VASH2: variants seen among roughly 807,000 people sequenced by gnomAD.
VASH2 encodes vasohibin 2, also known as tubulinyl-Tyr carboxypeptidase 2.
In VASH2, 28 loss-of-function variants were observed where a neutral mutation model predicts 37.2. That is an observed-to-expected ratio of 0.75 (90% CI 0.56 to 1.03). The LOEUF is 1.03. VASH2 is among the 50% of genes least tolerant of loss of function. The pLI is 0.00. For synonymous variants in VASH2, 188 were observed against 174.7 expected, an observed-to-expected ratio of 1.08 and a Z score of -0.60; for missense variants, 419 against 459.1, an observed-to-expected ratio of 0.91 and a Z score of 0.80.
chr1:212,952,151 C>A (rs556231111), intron 2 of VASH2, among the ~76,000 whole-genome samples: 2 of 152,308 alleles, frequency 1.3e-5, no homozygotes, highest in East Asian at 3.9e-4. Context: ...CCACCAGGTA[C>A]CAGCGATGCC....
chr1:212,984,399 G>A (rs1399893000), intron 7 of VASH2, among the ~76,000 whole-genome samples: 2 of 152,200 alleles, frequency 1.3e-5, no homozygotes, highest in African/African-American at 2.4e-5. Context: ...GAGCCTCCAT[G>A]ACAGGGATGA....
intron 2 of VASH2, among the ~76,000 whole-genome samples, chr1:212,959,894 TCTC>T (rs1666619779): frequency 6.6e-6 from 1 of 152,108 alleles, no homozygotes; most frequent in Non-Finnish European, 1.5e-5. Context: ...CCTTTCTGCT[TCTC>T]CTTAAGTGGC....
intron 5 of VASH2, 111 bp from the exon 6 acceptor site, chr1:212,972,469 T>A (rs1416045812): frequency 7.3e-7 from 1 of 1,361,864 alleles, no homozygotes; most frequent in Non-Finnish European, 1.0e-6. Context: ...GTGGGCCTGC[T>A]CAGAGGCAGG....
At chr1:212,979,671 G>C (rs571295076) in intron 7 of VASH2, among the ~76,000 whole-genome samples, 1 of 152,276 alleles carries the variant, frequency 6.6e-6, no homozygotes, top group South Asian at 2.1e-4. Flanking sequence ...AATCAGCCGA[G>C]GGGGAGGGCA....
At chr1:212,964,136 A>T (rs1666763654) in intron 3 of VASH2, among the ~76,000 whole-genome samples, 1 of 152,172 alleles carries the variant, frequency 6.6e-6, no homozygotes, top group Admixed American at 6.5e-5. Flanking sequence ...ATCTAAGGTG[A>T]GGTGACTCTG....
At position 212,967,147 on chromosome 1, in the gene VASH2, C is replaced by T. The variant is rs938640147; in HGVS notation, c.497+802C>T. On this transcript the variant is annotated intron_variant, in intron 5 of 7. Transcript: ENST00000517399. The stretch of plus-strand genomic sequence containing the variant: ...GCTAAAACAAGGGTCTAGCTTCTCC[C>T]ACACTTTCTGTTCCATTTTTCACCA... 2.3e-6 allele frequency: 3 copies of T among 1,304,528 alleles called. No homozygotes were observed. The African/African-American group carries it at 4.5e-5, about 20-fold the overall frequency. The allele number at this position is 1,304,528 out of a possible 1,614,324, so 80.8% of individuals were successfully genotyped here. A position where few individuals can be genotyped will look rare whatever the true frequency, so the allele number is the denominator to read the frequency against.
At chr1:212,987,770 A>C (rs1482721539) in intron 7 of VASH2, among the ~76,000 whole-genome samples, 1 of 152,204 alleles carries the variant, frequency 6.6e-6, no homozygotes, top group Non-Finnish European at 1.5e-5. Context: ...AAGTTGTAAG[A>C]TACATTGTGA....
At chr1:212,968,183 A>G (rs1313854643) in intron 5 of VASH2, 1 of 984,572 alleles carries the variant, frequency 1.0e-6, no homozygotes, top group African/African-American at 1.7e-5. Context: ...TCACAGGGGA[A>G]TCTGCACTGG....
chr1:212,976,750 G>A (rs909024381), intron 7 of VASH2, among the ~76,000 whole-genome samples: 1 of 151,428 alleles, frequency 6.6e-6, no homozygotes, highest in African/African-American at 2.4e-5. Flanking sequence ...TTCTGGTGTT[G>A]AGGCACCACT....
Position 212,972,700 on chromosome 1 carries a change from A to G in VASH2, c.618A>G (p.Ser206=). ...LGIYCNGRYG[S]LGMSRRAELM... ...TTTACTGCAATGGCCGCTATGGCTC[A>G]TTGGGCATGAGCCGCAGGGCTGAGC... Residue 206 remains serine, a synonymous_variant, in exon 6 of 8, where the codon TCA becomes TCG. Coordinates refer to ENST00000517399, the MANE Select transcript of VASH2 (RefSeq NM_001301056.2). 1.9e-6 allele frequency: 3 copies of G among 1,614,212 alleles called. No homozygotes were observed. Among genetic ancestry groups the G allele is most frequent in the East Asian group, 4.5e-5 (2 of 44,886 alleles).
chr1:212,958,965 G>A (rs1219310960), intron 2 of VASH2, among the ~76,000 whole-genome samples: 1 of 151,994 alleles, frequency 6.6e-6, no homozygotes, highest in Non-Finnish European at 1.5e-5. Flanking sequence ...CTGGGCTCAA[G>A]CGATCTGCCC....
chr1:212,981,973 G>A (rs1037331381), intron 7 of VASH2, among the ~76,000 whole-genome samples: 4 of 152,246 alleles, frequency 2.6e-5, no homozygotes, highest in African/African-American at 9.6e-5. Context: ...GGCTGCCTCA[G>A]AGTGTGAAGG....
At chr1:212,983,823 G>T (rs914728269) in intron 7 of VASH2, among the ~76,000 whole-genome samples, 2 of 152,212 alleles carry the variant, frequency 1.3e-5, no homozygotes, top group African/African-American at 4.8e-5. Context: ...CAGATGCTTG[G>T]AAAGATGCTT....
chr1:212,954,761 T>C (rs1368332589), intron 2 of VASH2, among the ~76,000 whole-genome samples: 1 of 152,192 alleles, frequency 6.6e-6, no homozygotes, highest in Non-Finnish European at 1.5e-5. Flanking sequence ...ATTGTACTTT[T>C]CATAGTAACT....
At chr1:212,959,266 CTGTGTG>C (rs140070220) in intron 2 of VASH2, among the ~76,000 whole-genome samples, 1 of 151,006 alleles carries the variant, frequency 6.6e-6, no homozygotes, top group Non-Finnish European at 1.5e-5. Flanking sequence ...TTGACTTGCT[CTGTGTG>C]TGTGTGTGTG....
Position 212,966,359 on chromosome 1 carries a change from T to A in VASH2, c.497+14T>A, listed in dbSNP as rs1335104381. The A allele has an allele frequency of 1.3e-6, 2 of 1,549,986 alleles. No homozygotes were observed. The highest frequency in any genetic ancestry group is 2.7e-5 in the African/African-American group (2 of 73,022). On this transcript the variant is annotated intron_variant, in intron 5 of 7. Transcript: ENST00000517399. ...CATCCTGGGCATGTATCCTTTAAGT[T>A]ATGTATGCTTAGTTTACTCCATAAA...
At position 212,972,588 on chromosome 1, in the gene VASH2, C is replaced by A; in HGVS notation, c.506C>A (p.Thr169Asn). The A allele has an allele frequency of 6.2e-7, 1 of 1,613,128 alleles. No individual in the cohort carries two copies. Among genetic ancestry groups the A allele is most frequent in the Non-Finnish European group, 8.5e-7 (1 of 1,179,846 alleles). ...LEAVILGIYL[T>N]NGQPSIERFP... ...GACTCAGATTGTCTAAGCTACTTAA[C>A]CAATGGGCAGCCTTCCATTGAGCGG... Residue 169 changes from threonine to asparagine, a missense_variant, in exon 6 of 8, where the codon ACC becomes AAC. Thr to Asn is a moderately conservative substitution (Grantham distance 65). Coordinates refer to ENST00000517399, the MANE Select transcript of VASH2 (RefSeq NM_001301056.2).
Position 212,990,681 on chromosome 1 carries a change from A to C in VASH2, c.*2097A>C, listed in dbSNP as rs1031327576. 2.0e-5 allele frequency: 3 copies of C among 152,238 alleles called. No homozygotes were observed. Among genetic ancestry groups the C allele is most frequent in the African/African-American group, 7.2e-5 (3 of 41,460 alleles). 9.4% of individuals were successfully genotyped at this position (152,238 alleles called of 1,614,324 possible). A position where few individuals can be genotyped will look rare whatever the true frequency, so the allele number is the denominator to read the frequency against. ...TAATATGCTGATAAAGAAGCCTTAG[A>C]ACTGCCAACTGGCTTGATGGTTCAA... On this transcript the variant is annotated 3_prime_UTR_variant, in exon 8 of 8. Coordinates refer to ENST00000517399, the MANE Select transcript of VASH2 (RefSeq NM_001301056.2).
At chr1:212,968,642 G>A (rs1572068331) in intron 5 of VASH2, 2 of 985,576 alleles carry the variant, frequency 2.0e-6, no homozygotes, top group East Asian at 1.1e-4. Flanking sequence ...GATGAAACAT[G>A]TGCCTGGGGA....
Sources: gnomAD v4.1 joint callset for allele counts (sites outside exome capture counted in the v4.1 genomes callset) on GRCh38, gnomAD v4.1.1 for gene constraint, MANE v1.5 for transcripts, NCBI Gene and HGNC (gene_info 2026-07-23, HGNC 2026-07-21) for gene names.